The following RITA1 variants were observed in gnomAD, a reference collection of about 807,000 sequenced individuals.
RITA1 encodes RBPJ-interacting and tubulin-associated protein 1.
Under a neutral mutation model 8.7 loss-of-function variants are expected in RITA1, and 15 were observed. The observed-to-expected ratio is 1.72, with a 90% CI of 1.15 to 2.65. The LOEUF is 2.65. Ranked by LOEUF, RITA1 falls within the 30% of genes most tolerant of loss-of-function variation. RITA1 has a pLI of 0.00. For synonymous variants in RITA1, 145 were observed against 156.2 expected, an observed-to-expected ratio of 0.93 and a Z score of 0.53; for missense variants, 330 against 363.8, an observed-to-expected ratio of 0.91 and a Z score of 0.76.
rs754951056 is a variant in RITA1 at position 113,191,463 on chromosome 12, C to T, written c.456C>T (p.His152=). Residue 152 remains histidine (H), a synonymous_variant, in exon 4 of 4, where the codon CAC becomes CAT. Coordinates refer to ENST00000548278, the MANE Select transcript of RITA1 (RefSeq NM_032848.3). This position sits in a 1 kb window ranked among gnomAD's most constrained non-coding sequence, Gnocchi z 4.0. ...CACCACCTACCCCCAGGGGTAGCCA[C>T]TCGCCCCGCCCCAGGGAGGCACCAC... ...WTPPPTPRGS[H]SPRPREAPLR... The T allele has an allele frequency of 1.9e-6, 3 of 1,604,676 alleles. No individual in the cohort carries two copies. The East Asian group carries it at 6.7e-5, about 36-fold the overall frequency.
rs760735136 is a variant in RITA1 at position 113,191,768 on chromosome 12, C to T, written c.761C>T (p.Thr254Ile). Reference protein sequence around the residue: ...ARSVSISVPSTPRRGGATQKP... With the variant: ...ARSVSISVPSIPRRGGATQKP... The stretch of plus-strand genomic sequence containing the variant: ...TCAGTTAGCATTTCAGTGCCATCTA[C>T]CCCACGACGAGGTGGGGCCACCCAG... Residue 254 changes from threonine to isoleucine, a missense_variant, in exon 4 of 4, where the codon ACC (threonine) becomes ATC (isoleucine). Transcript: ENST00000548278. The surrounding 1 kb of genome is among the most constrained non-coding windows in gnomAD (Gnocchi z 4.0). 6.2e-6 allele frequency: 10 copies of T among 1,612,732 alleles called. No homozygotes were observed. The highest frequency in any genetic ancestry group is 1.7e-4 in the Middle Eastern group (1 of 6,052).
intron 3 of RITA1, among the ~76,000 whole-genome samples, chr12:113,188,078 TC>T: frequency 1.3e-5 from 2 of 152,142 alleles, no homozygotes; most frequent in East Asian, 3.9e-4. Context: ...AGATGGAGTC[TC>T]GCTCTGTTGC....
In RITA1 at chr12:113,185,809, C is replaced by T. The variant is rs866075719; in HGVS notation, c.-409C>T. On this transcript the variant is annotated 5_prime_UTR_variant, in exon 1 of 4. Transcript: ENST00000548278. ...CGGGCCGTTCACACGTAGCCTGTGC[C>T]GGCTCCTCGGGTGAGTCCGTCCGCG... The T allele has an allele frequency of 1.4e-5, 9 of 656,984 alleles. No homozygotes were observed. Among genetic ancestry groups the T allele is most frequent in the Non-Finnish European group, 2.0e-5 (8 of 390,342 alleles). 40.7% of individuals were successfully genotyped at this position (656,984 alleles called of 1,614,324 possible). A position where few individuals can be genotyped will look rare whatever the true frequency, so the allele number is the denominator to read the frequency against.
chr12:113,190,720 G>GA (rs1952590724), intron 3 of RITA1, among the ~76,000 whole-genome samples: 1 of 152,242 alleles, frequency 6.6e-6, no homozygotes, highest in Admixed American at 6.5e-5. Flanking sequence ...GCAAGTGACA[G>GA]AAAACTTATT....
rs576703189 is a variant in RITA1 at position 113,186,413 on chromosome 12, G to A, written c.-65+97G>A. The A allele has an allele frequency of 1.6e-5, 22 of 1,370,490 alleles. No homozygotes were observed. The South Asian group carries it at 2.9e-4, about 18-fold the overall frequency. The allele number at this position is 1,370,490 out of a possible 1,614,324, so 84.9% of individuals were successfully genotyped here. A position where few individuals can be genotyped will look rare whatever the true frequency, so the allele number is the denominator to read the frequency against. ...CCCTACCACCATAGTGTGTTTTCTG[G>A]TTGGTGCCTAAATAGACACAGGTGT... On this transcript the variant is annotated intron_variant, in intron 2 of 3. Transcript: ENST00000548278.
chr12:113,186,964 C>T lies in RITA1; in HGVS notation c.218C>T (p.Ala73Val), dbSNP rs1322413386. Residue 73 changes from alanine (A) to valine (V), a missense_variant, in exon 3 of 4, where the codon GCC becomes GTC. By Grantham distance (64) the Ala-to-Val change is moderately conservative. Coordinates refer to ENST00000548278, the MANE Select transcript of RITA1 (RefSeq NM_032848.3). ...TRGVGKEASKALGAKGSCETT... is the reference protein window; with the variant it reads ...TRGVGKEASKVLGAKGSCETT... ...GGCGTGGGCAAGGAGGCATCGAAGG[C>T]CTTGGGGGCAAAGGGGAGCTGTGAG... 1 of 1,613,796 alleles carries T rather than the reference C, an allele frequency of 6.2e-7. No individual in the cohort carries two copies. The highest frequency in any genetic ancestry group is 1.1e-5 in the South Asian group (1 of 91,008).
rs1287705537 is a variant in RITA1 at position 113,191,362 on chromosome 12, T to C, written c.355T>C (p.Ser119Pro). 1.3e-6 allele frequency: 2 copies of C among 1,585,450 alleles called. No individual in the cohort carries two copies. Among genetic ancestry groups the C allele is most frequent in the Non-Finnish European group, 1.7e-6 (2 of 1,164,284 alleles). The stretch of plus-strand genomic sequence containing the variant: ...TGATGAGTCGCTGTTTGGCTCCCGA[T>C]CTGAAGGCGCCAGCTTCGGGGCCCC... ...YCDESLFGSR[S>P]EGASFGAPRM... Residue 119 changes from serine (S) to proline (P), a missense_variant, in exon 4 of 4, where the codon TCT (serine) becomes CCT (proline). Physicochemically the swap from Ser to Pro is moderately conservative, Grantham distance 74. Transcript: ENST00000548278. The surrounding 1 kb of genome is among the most constrained non-coding windows in gnomAD (Gnocchi z 4.0).
chr12:113,187,488 G>A (rs1317117527), intron 3 of RITA1, among the ~76,000 whole-genome samples: 1 of 152,146 alleles, frequency 6.6e-6, no homozygotes, highest in Admixed American at 6.5e-5. Context: ...TGGCCACATG[G>A]GGTAGCTCAT....
intron 3 of RITA1, among the ~76,000 whole-genome samples, chr12:113,189,969 C>G (rs1017343209): frequency 6.7e-6 from 1 of 149,506 alleles, no homozygotes; most frequent in African/African-American, 2.5e-5. Context: ...CTCAGGAGTT[C>G]GCAGCTGCAG....
In RITA1 at chr12:113,186,282, A is replaced by G; in HGVS notation, c.-99A>G. ...ACTTCACAGTGCTGTTGAGAGGATTAAATGAAACAATGCTTGTAAAGCTCT... is the reference window on the plus strand; with the variant it reads ...ACTTCACAGTGCTGTTGAGAGGATTGAATGAAACAATGCTTGTAAAGCTCT... On this transcript the variant is annotated 5_prime_UTR_variant, in exon 2 of 4. Transcript: ENST00000548278. 1 of 1,398,560 alleles carries G rather than the reference A, an allele frequency of 7.2e-7. No homozygotes were observed. The highest frequency in any genetic ancestry group is 9.3e-7 in the Non-Finnish European group (1 of 1,077,116). 86.6% of individuals were successfully genotyped at this position (1,398,560 alleles called of 1,614,324 possible).
In RITA1 at chr12:113,185,930, C is replaced by T. The variant is rs1438288808; in HGVS notation, c.-288C>T. 6.6e-7 allele frequency: 1 copy of T among 1,511,068 alleles called. No individual in the cohort carries two copies. Among genetic ancestry groups the T allele is most frequent in the South Asian group, 1.2e-5 (1 of 83,324 alleles). The allele number at this position is 1,511,068 out of a possible 1,614,324, so 93.6% of individuals were successfully genotyped here. The stretch of plus-strand genomic sequence containing the variant: ...GGGATCCCGGATGCACCGCGCGCCC[C>T]CGCGCCCTCACCGACGGGTCCAGAC... On this transcript the variant is annotated 5_prime_UTR_variant, in exon 1 of 4. Coordinates refer to ENST00000548278, the MANE Select transcript of RITA1 (RefSeq NM_032848.3).
intron 3 of RITA1, among the ~76,000 whole-genome samples, chr12:113,187,547 C>A (rs1283417161): frequency 6.6e-6 from 1 of 151,970 alleles, no homozygotes; most frequent in Non-Finnish European, 1.5e-5. Flanking sequence ...CACTTGAGCT[C>A]AGGAGTTTGA....
Position 113,186,336 on chromosome 12 carries a change from T to A in RITA1, c.-65+20T>A. On this transcript the variant is annotated intron_variant, in intron 2 of 3. Coordinates refer to ENST00000548278, the MANE Select transcript of RITA1 (RefSeq NM_032848.3). Reference sequence around the variant, plus strand: ...CAGGAGGTAGGCATGGGATCCACGCTGGCTGTCATTGCCCCCACCCCCATC... The same window carrying A: ...CAGGAGGTAGGCATGGGATCCACGCAGGCTGTCATTGCCCCCACCCCCATC... 7.3e-7 allele frequency: 1 copy of A among 1,378,982 alleles called. No homozygotes were observed. Among genetic ancestry groups the A allele is most frequent in the Non-Finnish European group, 9.4e-7 (1 of 1,067,676 alleles). The allele number at this position is 1,378,982 out of a possible 1,614,324, so 85.4% of individuals were successfully genotyped here.
intron 3 of RITA1, among the ~76,000 whole-genome samples, chr12:113,187,666 A>T (rs1480199272): frequency 6.8e-6 from 1 of 146,056 alleles, no homozygotes; most frequent in Non-Finnish European, 1.5e-5. Context: ...CTGAGGTGGG[A>T]GGATCACTTG....
chr12:113,191,832 G>A lies in RITA1; in HGVS notation c.*15G>A, dbSNP rs73208734. On this transcript the variant is annotated 3_prime_UTR_variant, in exon 4 of 4. Transcript: ENST00000548278. This position sits in a 1 kb window ranked among gnomAD's most constrained non-coding sequence, Gnocchi z 4.0. ...CTTGGAAATGATACTCTTTCATCAG[G>A]GTTGCCTATGGGGCCACGGCGACAG... 98,071 of 1,579,840 alleles carry A rather than the reference G, an allele frequency of 0.062. 3,500 individuals carry two copies. Among genetic ancestry groups the A allele is most frequent in the Non-Finnish European group, 0.067 (77,671 of 1,161,220 alleles).
At chr12:113,189,866 G>A (rs1422348401) in intron 3 of RITA1, among the ~76,000 whole-genome samples, 1 of 149,410 alleles carries the variant, frequency 6.7e-6, no homozygotes, top group South Asian at 2.1e-4. Context: ...TGAGATCCCT[G>A]TCTCTACAAA....
In RITA1 at chr12:113,191,453, G is replaced by C; in HGVS notation, c.446G>C (p.Arg149Thr). The change falls in exon 4 of 4, where the codon AGG becomes ACG. Residue 149 changes from arginine to threonine, a missense_variant. Arg to Thr is a moderately conservative substitution (Grantham distance 71, BLOSUM62 -1). Coordinates refer to ENST00000548278, the MANE Select transcript of RITA1 (RefSeq NM_032848.3). This position sits in a 1 kb window ranked among gnomAD's most constrained non-coding sequence, Gnocchi z 4.0. ...TTGTGGACGCCACCACCTACCCCCA[G>C]GGGTAGCCACTCGCCCCGCCCCAGG... Reference protein sequence around the residue: ...ALLWTPPPTPRGSHSPRPREA... With the variant: ...ALLWTPPPTPTGSHSPRPREA... The C allele has an allele frequency of 6.2e-7, 1 of 1,606,728 alleles. No homozygotes were observed. The highest frequency in any genetic ancestry group is 1.1e-5 in the South Asian group (1 of 90,818).
rs756445839 is a variant in RITA1 at position 113,186,803 on chromosome 12, C to T, written c.57C>T (p.His19=). ...VSGMQTLGLQ[H]RCRGGYRVKA... ...GGATGCAGACCCTCGGCCTTCAGCA[C>T]CGCTGCCGAGGTGGCTACCGGGTCA... Residue 19 remains histidine (H), a synonymous_variant, in exon 3 of 4, where the codon CAC becomes CAT. Transcript: ENST00000548278. 3.0e-5 allele frequency: 49 copies of T among 1,613,796 alleles called. No homozygotes were observed. The South Asian group carries it at 4.7e-4, about 16-fold the overall frequency.
Position 113,191,427 on chromosome 12 carries a change from C to T in RITA1, c.420C>T (p.Leu140=). ...AKGDAAKLRA[L]LWTPPPTPRG... ...GGGATGCCGCAAAGCTCCGTGCTCT[C>T]TTGTGGACGCCACCACCTACCCCCA... The change falls in exon 4 of 4, where the codon CTC becomes CTT. Residue 140 remains leucine, a synonymous_variant. Coordinates refer to ENST00000548278, the MANE Select transcript of RITA1 (RefSeq NM_032848.3). The surrounding 1 kb of genome is among the most constrained non-coding windows in gnomAD (Gnocchi z 4.0). The T allele has an allele frequency of 6.2e-7, 1 of 1,609,428 alleles. No homozygotes were observed. Among genetic ancestry groups the T allele is most frequent in the East Asian group, 2.2e-5 (1 of 44,756 alleles).
Sources: gnomAD v4.1 joint callset for allele counts (sites outside exome capture counted in the v4.1 genomes callset) on GRCh38, gnomAD v4.1.1 for gene constraint, Gnocchi (gnomAD v3.1) non-coding constraint, MANE v1.5 for transcripts, NCBI Gene and HGNC (gene_info 2026-07-23, HGNC 2026-07-21) for gene names.